IKBKB: variants seen among roughly 807,000 people sequenced by gnomAD.
The protein encoded by IKBKB is inhibitor of nuclear factor kappa-B kinase subunit beta.
IKBKB carries 42 observed loss-of-function variants against 113.6 expected under a neutral mutation model. The ratio of observed to expected loss-of-function variants is 0.37; its 90% CI spans 0.29 to 0.48. The LOEUF (loss-of-function observed/expected upper bound fraction) is 0.48, where lower values mean the gene tolerates loss of function less well. Among genes scored for constraint, IKBKB ranks in the 20% least tolerant of loss-of-function variants. IKBKB has a pLI of 0.99. For synonymous variants in IKBKB, 296 were observed against 361.3 expected (o/e 0.82, Z 2.05); for missense variants, 673 against 939.7 (o/e 0.72, Z 3.71).
chr8:42,314,482 A>C, intron 9 of IKBKB, 53 bp downstream of exon 9: 2 of 1,254,360 alleles, frequency 1.6e-6, no homozygotes, highest in Admixed American at 3.4e-5. Context: ...TTTTTTAGAA[A>C]TACAAGTCTT....
chr8:42,319,539 T>G, intron 14 of IKBKB, 46 bp from the exon 15 acceptor site: 3 of 1,580,518 alleles, frequency 1.9e-6, no homozygotes, highest in Non-Finnish European at 1.7e-6. Context: ...TTTTGTGGTG[T>G]TTTTATTTTG....
intron 2 of IKBKB, among the ~76,000 whole-genome samples, chr8:42,275,205 T>C (rs1334970717): frequency 6.6e-6 from 1 of 151,214 alleles, no homozygotes; most frequent in Non-Finnish European, 1.5e-5. Flanking sequence ...TTAATTTCTT[T>C]GGAGATAGGG....
At chr8:42,318,952 C>G (rs991099278) in intron 13 of IKBKB, 2 of 532,944 alleles carry the variant, frequency 3.8e-6, no homozygotes, top group East Asian at 6.4e-5. Flanking sequence ...GAGGAGCTCA[C>G]TACCATGTGG....
rs573702461 is a variant in IKBKB at position 42,312,182 on chromosome 8, G to A, written c.693-2140G>A. On this transcript the variant is annotated intron_variant, in intron 8 of 21. Coordinates refer to ENST00000520810, the MANE Select transcript of IKBKB (RefSeq NM_001556.3). ...ATTACAGGCGTGAGCCACCGCGCCC[G>A]GCTGTAGTGGTTTTAACTAAAGGAA... Among the ~76,000 whole-genome samples the A allele has an allele frequency of 1.8e-3, 267 of 152,328 alleles. 1 individual carries two copies. Among genetic ancestry groups the A allele is most frequent in the African/African-American group, 5.5e-3 (227 of 41,576 alleles).
At chr8:42,287,842 A>G (rs1811725363) in intron 2 of IKBKB, among the ~76,000 whole-genome samples, 1 of 152,188 alleles carries the variant, frequency 6.6e-6, no homozygotes, top group African/African-American at 2.4e-5. Context: ...CTGAAAGGAC[A>G]AAACTCTCAC....
chr8:42,316,262 C>T lies in IKBKB; in HGVS notation c.853C>T (p.Pro285Ser). The T allele has an allele frequency of 6.2e-7, 1 of 1,614,122 alleles. No homozygotes were observed. Among genetic ancestry groups the T allele is most frequent in the Non-Finnish European group, 8.5e-7 (1 of 1,180,022 alleles). Residue 285 changes from proline (P) to serine (S), a missense_variant, in exon 10 of 22, where the codon CCC becomes TCC. Transcript: ENST00000520810. This position sits in a 1 kb window ranked among gnomAD's most constrained non-coding sequence, Gnocchi z 4.5. ...KWLQLMLMWH[P>S]RQRGTDPTYG... The stretch of plus-strand genomic sequence containing the variant: ...GCTGCAACTGATGCTGATGTGGCAC[C>T]CCCGACAGAGGGGCACGGATCCCAC...
intron 8 of IKBKB, 199 bp from the exon 9 acceptor site, chr8:42,314,123 T>C: frequency 1.7e-6 from 1 of 574,632 alleles, no homozygotes; most frequent in Non-Finnish European, 3.1e-6. Flanking sequence ...CCTACAGTAT[T>C]CAGTACCGGA....
intron 2 of IKBKB, among the ~76,000 whole-genome samples, chr8:42,276,529 T>G (rs1809125490): frequency 6.6e-6 from 1 of 152,180 alleles, no homozygotes; most frequent in Non-Finnish European, 1.5e-5. Context: ...TTTCTCCCAT[T>G]CCATAAGTTG....
intron 19 of IKBKB, 141 bp downstream of exon 19, chr8:42,322,635 GTTC>G: frequency 1.2e-6 from 1 of 821,262 alleles, no homozygotes; most frequent in South Asian, 1.7e-5. Context: ...TCACGTCGCT[GTTC>G]TTTGACTTGG....
At chr8:42,290,380 A>C (rs923383274) in intron 4 of IKBKB, 107 bp downstream of exon 4, 110 of 766,572 alleles carry the variant, frequency 1.4e-4, no homozygotes, top group Admixed American at 1.9e-4. Context: ...AAGCTTGGGG[A>C]GCCCCAGTGA....
chr8:42,318,925 G>T, intron 13 of IKBKB: 1 of 529,010 alleles, frequency 1.9e-6, no homozygotes, highest in South Asian at 2.5e-5. Context: ...CCAAGCTGTG[G>T]CTGGTTTGGG....
intron 8 of IKBKB, among the ~76,000 whole-genome samples, chr8:42,309,927 G>A (rs1018074560): frequency 6.6e-6 from 1 of 152,050 alleles, no homozygotes; most frequent in Non-Finnish European, 1.5e-5. Context: ...CATTGTGCAG[G>A]ATATGTTTAT....
intron 12 of IKBKB, among the ~76,000 whole-genome samples, chr8:42,318,127 T>A (rs1819043340): frequency 6.6e-6 from 1 of 151,962 alleles, no homozygotes; most frequent in Non-Finnish European, 1.5e-5. Context: ...CCAGATGTGG[T>A]GGTGCATGCC....
intron 16 of IKBKB, 67 bp from the exon 17 acceptor site, chr8:42,321,829 C>A: frequency 8.2e-7 from 1 of 1,214,744 alleles, no homozygotes; most frequent in South Asian, 1.5e-5. Context: ...TCTACCTCTA[C>A]CAAAAAAATG....
intron 3 of IKBKB, among the ~76,000 whole-genome samples, chr8:42,289,518 G>A (rs1007375158): frequency 6.6e-6 from 1 of 152,156 alleles, no homozygotes; most frequent in Non-Finnish European, 1.5e-5. Flanking sequence ...GTGTGGAGAC[G>A]GGGCTGTCCA....
rs1042685262 is a variant in IKBKB at position 42,271,420 on chromosome 8, C to T, written c.-68C>T. The T allele has an allele frequency of 2.0e-6, 3 of 1,503,796 alleles. No individual in the cohort carries two copies. The Admixed American group carries it at 5.9e-5, about 30-fold the overall frequency. The allele number at this position is 1,503,796 out of a possible 1,614,324, so 93.2% of individuals were successfully genotyped here. ...CCCGGGTTTGGCCGCCCCAGCCCCGCCTTCCCCGCCCCGGGGAGCCCGCCC... is the reference window on the plus strand; with the variant it reads ...CCCGGGTTTGGCCGCCCCAGCCCCGTCTTCCCCGCCCCGGGGAGCCCGCCC... On this transcript the variant is annotated 5_prime_UTR_variant, in exon 1 of 22. Transcript: ENST00000520810.
chr8:42,305,926 G>A lies in IKBKB; in HGVS notation c.478-417G>A, dbSNP rs1816431377. On this transcript the variant is annotated intron_variant, in intron 6 of 21. Transcript: ENST00000520810. The stretch of plus-strand genomic sequence containing the variant: ...CCCTTAGCACCTAGGCCTGGCCTGT[G>A]ACTACCACAGGGCTCGCCCTTGTTC... 1.3e-5 allele frequency among the ~76,000 whole-genome samples: 2 copies of A among 152,254 alleles called. 1 individual carries two copies. Among genetic ancestry groups the A allele is most frequent in the South Asian group, 4.1e-4 (2 of 4,838 alleles).
In IKBKB at chr8:42,279,570, A is replaced by C. The variant is rs560680588; in HGVS notation, c.105+7365A>C. On this transcript the variant is annotated intron_variant, in intron 2 of 21. Transcript: ENST00000520810. ...ACGTGCTTTCTCTCCAGCCCTCACA[A>C]CTCTGAAAGGAAGTACTGTTGTCTT... 3.3e-5 allele frequency among the ~76,000 whole-genome samples: 5 copies of C among 152,212 alleles called. 1 individual carries two copies. Among genetic ancestry groups the C allele is most frequent in the African/African-American group, 1.2e-4 (5 of 41,524 alleles).
rs1267902092 is a variant in IKBKB, at chr8:42,306,417, G to A, written c.552G>A (p.Gly184=). The change falls in exon 7 of 22, where the codon GGG becomes GGA. Residue 184 remains glycine (G), a synonymous_variant. Transcript: ENST00000520810. ...GCAGTCTTTGCACATCATTCGTGGG[G>A]ACCCTGCAGTACCTGGTAAGAAGTG... ...DQGSLCTSFV[G]TLQYLAPELL... 1.9e-6 allele frequency: 3 copies of A among 1,611,822 alleles called. No homozygotes were observed. Among genetic ancestry groups the A allele is most frequent in the South Asian group, 2.2e-5 (2 of 91,016 alleles).
Sources: allele counts gnomAD v4.1 joint callset (sites outside exome capture counted in the v4.1 genomes callset), GRCh38; gene constraint gnomAD v4.1.1; non-coding constraint Gnocchi (gnomAD v3.1); transcripts MANE v1.5; gene names NCBI Gene and HGNC (gene_info 2026-07-23, HGNC 2026-07-21).